The following FMN1 variants were observed in gnomAD, a reference collection of about 807,000 sequenced individuals.
FMN1 encodes formin-1.
FMN1 carries 110 observed loss-of-function variants against 132.4 expected under a neutral mutation model. The observed-to-expected ratio is 0.83, with a 90% CI of 0.71 to 0.97. The LOEUF is 0.97. Among genes scored for constraint, FMN1 ranks in the 50% least tolerant of loss-of-function variants. The pLI is 0.00. For synonymous variants in FMN1, 722 were observed against 651.7 expected, an observed-to-expected ratio of 1.11 and a Z score of -1.64; for missense variants, 1,792 against 1,705.3, an observed-to-expected ratio of 1.05 and a Z score of -0.90.
chr15:32,895,932 G>C (rs1268134945), intron 15 of FMN1, among the ~76,000 whole-genome samples: 4 of 152,044 alleles, frequency 2.6e-5, no homozygotes, highest in Non-Finnish European at 5.9e-5. Context: ...TTGTGTCTTA[G>C]ACTGAACACT....
intron 5 of FMN1, among the ~76,000 whole-genome samples, chr15:33,086,382 A>G (rs2038695418): frequency 9.4e-6 from 1 of 106,646 alleles, no homozygotes; most frequent in Non-Finnish European, 2.1e-5. Context: ...AAATTTATCA[A>G]ATTGTACAGT....
In FMN1 at chr15:32,898,890, T is replaced by C. The variant is rs1260183213; in HGVS notation, c.3658A>G (p.Asn1220Asp). The C allele has an allele frequency of 6.3e-7, 1 of 1,577,742 alleles. No homozygotes were observed. The highest frequency in any genetic ancestry group is 2.2e-5 in the East Asian group (1 of 44,482). Residue 1220 changes from asparagine to aspartate, a missense_variant, in exon 15 of 21, where the codon AAT becomes GAT. This residue lies in a region of FMN1 where 1,150 missense variants were observed against 1,043.1 expected (regional missense o/e 1.10). Coordinates refer to ENST00000616417, the MANE Select transcript of FMN1 (RefSeq NM_001277313.2). Reference sequence around the variant, plus strand: ...ACGTAGTCCACCAGATTAATCCCATTATCCTAGGTTTAAAAGAGAAATGTA... The same window carrying C: ...ACGTAGTCCACCAGATTAATCCCATCATCCTAGGTTTAAAAGAGAAATGTA... ...PKLKDVKSRD[N>D]GINLVDYVVK...
At chr15:32,873,687 C>T (rs941025772) in intron 16 of FMN1, among the ~76,000 whole-genome samples, 7 of 152,114 alleles carry the variant, frequency 4.6e-5, no homozygotes, top group Non-Finnish European at 7.4e-5. Flanking sequence ...AAGAACAAGA[C>T]GGCTGAAATG....
intron 7 of FMN1, among the ~76,000 whole-genome samples, chr15:32,987,156 T>C (rs1054121692): frequency 1.3e-5 from 2 of 152,138 alleles, no homozygotes; most frequent in African/African-American, 2.4e-5. Context: ...AACTCATACA[T>C]CATTTTTTCT....
chr15:32,937,079 G>A (rs2061293284), intron 9 of FMN1, among the ~76,000 whole-genome samples: 1 of 152,160 alleles, frequency 6.6e-6, no homozygotes, highest in Non-Finnish European at 1.5e-5. Context: ...CCAAGGAGAA[G>A]CCAGGATTTG....
At chr15:32,989,710 T>C (rs1217052493) in intron 7 of FMN1, among the ~76,000 whole-genome samples, 1 of 152,130 alleles carries the variant, frequency 6.6e-6, no homozygotes, top group Non-Finnish European at 1.5e-5. Flanking sequence ...GTGGGCTGAA[T>C]ACACGCAAGC....
chr15:33,069,512 A>T (rs754078513), intron 5 of FMN1, among the ~76,000 whole-genome samples: 1 of 152,204 alleles, frequency 6.6e-6, no homozygotes, highest in African/African-American at 2.4e-5. Flanking sequence ...TGGTAGCCAT[A>T]AGGAAAATGA....
At chr15:32,926,072 T>C in intron 10 of FMN1, 102 bp downstream of exon 10, 1 of 692,620 alleles carries the variant, frequency 1.4e-6, no homozygotes, top group Non-Finnish European at 2.5e-6. Context: ...GTATATAGGA[T>C]TCATTAGGGC....
chr15:32,842,690 T>C (rs190349539), intron 17 of FMN1, among the ~76,000 whole-genome samples: 14 of 152,164 alleles, frequency 9.2e-5, no homozygotes, highest in South Asian at 2.1e-4. Flanking sequence ...GAAAGACCCA[T>C]AGTCAAACGG....
At chr15:32,914,390 T>C (rs573598796) in intron 10 of FMN1, among the ~76,000 whole-genome samples, 1 of 152,180 alleles carries the variant, frequency 6.6e-6, no homozygotes, top group African/African-American at 2.4e-5. Flanking sequence ...AAGCAGCAGA[T>C]AATAGGCTCA....
intron 17 of FMN1, among the ~76,000 whole-genome samples, chr15:32,841,848 C>T (rs72717678): frequency 0.022 from 3,379 of 152,252 alleles, 67 homozygotes; most frequent in Middle Eastern, 0.065. Flanking sequence ...TTATACAATC[C>T]ATTTTCCTAG....
intron 6 of FMN1, among the ~76,000 whole-genome samples, chr15:33,041,387 A>G (rs1409030984): frequency 2.1e-5 from 2 of 96,386 alleles, no homozygotes; most frequent in African/African-American, 7.6e-5. Flanking sequence ...GTTCCTCACC[A>G]GTTAAAAAAA....
At chr15:32,785,208 A>G (rs1458831976) in intron 19 of FMN1, among the ~76,000 whole-genome samples, 1 of 35,222 alleles carries the variant, frequency 2.8e-5, no homozygotes, top group African/African-American at 1.1e-4. Flanking sequence ...GTGTATATAT[A>G]TATATATATA....
chr15:32,888,404 A>C, intron 15 of FMN1, 112 bp from the exon 16 acceptor site: 1 of 952,654 alleles, frequency 1.0e-6, no homozygotes, highest in Non-Finnish European at 1.5e-6. Context: ...TGTCTGAGTA[A>C]GAATCATAGC....
intron 15 of FMN1, among the ~76,000 whole-genome samples, chr15:32,896,676 G>A (rs1251487190): frequency 6.6e-6 from 1 of 152,082 alleles, no homozygotes. Context: ...GCCCTTCTGT[G>A]ACTGGATTAT....
At chr15:32,896,982 C>T (rs1281504032) in intron 15 of FMN1, among the ~76,000 whole-genome samples, 5 of 152,182 alleles carry the variant, frequency 3.3e-5, no homozygotes, top group Non-Finnish European at 7.4e-5. Flanking sequence ...TTTGAAGAAA[C>T]TCCCTACTGT....
At chr15:33,037,369 TGA>T (rs766898349) in intron 6 of FMN1, among the ~76,000 whole-genome samples, 5 of 151,676 alleles carry the variant, frequency 3.3e-5, no homozygotes, top group Non-Finnish European at 5.9e-5. Flanking sequence ...GAAAATAAGG[TGA>T]GAGATTTGGG....
chr15:32,827,497 A>G (rs978167450), intron 17 of FMN1, among the ~76,000 whole-genome samples: 1 of 152,212 alleles, frequency 6.6e-6, no homozygotes, highest in African/African-American at 2.4e-5. Context: ...ACTTTCTAAC[A>G]AAAGAGTTAT....
Position 33,175,062 on chromosome 15 carries a change from AG to A in FMN1, c.-132+5135del, listed in dbSNP as rs1965469058. On this transcript the variant is annotated intron_variant, in intron 3 of 20. Transcript: ENST00000616417. ...TTTTTTTTTAGACAGGGTCTCACCC[AG>A]GCTGGAAGGTGGAGTGCAGTGGCAT... is the stretch of plus-strand genomic sequence containing the variant. Among the ~76,000 whole-genome samples, 2 of 151,820 alleles carry A rather than the reference AG, an allele frequency of 1.3e-5. 1 individual carries two copies. Among genetic ancestry groups the A allele is most frequent in the South Asian group, 4.1e-4 (2 of 4,820 alleles).
Sources: allele counts gnomAD v4.1 joint callset (sites outside exome capture counted in the v4.1 genomes callset), GRCh38; gene constraint gnomAD v4.1.1; regional missense constraint gnomAD v4.1.1; transcripts MANE v1.5; gene names NCBI Gene and HGNC (gene_info 2026-07-23, HGNC 2026-07-21).